The following RCSD1 variants were observed in gnomAD, a reference collection of about 807,000 sequenced individuals.
RCSD1 encodes RCSD domain containing 1, also known as capZ-interacting protein.
RCSD1 carries 26 observed loss-of-function variants against 42.5 expected under a neutral mutation model. That is an observed-to-expected ratio of 0.61 (90% confidence interval 0.45 to 0.85). The LOEUF is 0.85. RCSD1 is among the 40% of genes least tolerant of loss of function. RCSD1 has a pLI of 0.00. For missense variants in RCSD1, 571 were observed against 528.3 expected, an observed-to-expected ratio of 1.08 and a Z score of -0.79; for synonymous variants, 220 against 212.2, an observed-to-expected ratio of 1.04 and a Z score of -0.32.
At chr1:167,637,376 C>A (rs920324612) in intron 1 of RCSD1, among the ~76,000 whole-genome samples, 1 of 152,124 alleles carries the variant, frequency 6.6e-6, no homozygotes, top group Non-Finnish European at 1.5e-5. Context: ...CAAGATATAC[C>A]CAAATGACAT....
In RCSD1 at chr1:167,704,891, T is replaced by G; in HGVS notation, c.*195T>G. 1 of 556,634 alleles carries G rather than the reference T, an allele frequency of 1.8e-6. No individual in the cohort carries two copies. Among genetic ancestry groups the G allele is most frequent in the Non-Finnish European group, 3.3e-6 (1 of 307,006 alleles). 34.5% of individuals were successfully genotyped at this position (556,634 alleles called of 1,614,324 possible). A position where few individuals can be genotyped will look rare whatever the true frequency, so the allele number is the denominator to read the frequency against. On this transcript the variant is annotated 3_prime_UTR_variant, in exon 7 of 7. Transcript: ENST00000367854. The stretch of plus-strand genomic sequence containing the variant: ...CGTTCCCTTGCAGATGGAGACTGAA[T>G]CTGAGGGCAGCAGACTTTTATCAGC...
At chr1:167,682,171 C>A (rs190376493) in intron 1 of RCSD1, among the ~76,000 whole-genome samples, 93 of 146,384 alleles carry the variant, frequency 6.4e-4, no homozygotes, top group African/African-American at 2.4e-3. Context: ...CTAAACGAAG[C>A]CTTTTTTTTT....
At chr1:167,690,991 A>C (rs1251064336) in intron 4 of RCSD1, among the ~76,000 whole-genome samples, 2 of 152,140 alleles carry the variant, frequency 1.3e-5, no homozygotes, top group East Asian at 3.9e-4. Flanking sequence ...TCTTGTGGAG[A>C]CAGAGCTTTC....
chr1:167,656,248 G>C (rs1237074917), intron 1 of RCSD1, among the ~76,000 whole-genome samples: 1 of 152,074 alleles, frequency 6.6e-6, no homozygotes, highest in Non-Finnish European at 1.5e-5. Context: ...AACCTGTCTC[G>C]AGTTCTATGA....
intron 6 of RCSD1, among the ~76,000 whole-genome samples, chr1:167,700,888 C>A (rs781439113): frequency 3.9e-5 from 6 of 152,130 alleles, no homozygotes; most frequent in Non-Finnish European, 8.8e-5. Context: ...GAGACCTCCC[C>A]ATCTCACTGA....
intron 1 of RCSD1, among the ~76,000 whole-genome samples, chr1:167,682,558 C>G (rs988491662): frequency 3.3e-5 from 5 of 152,150 alleles, no homozygotes; most frequent in Admixed American, 6.5e-5. Context: ...CCCTCCCTTG[C>G]TCCAAGGGGA....
At chr1:167,647,896 AT>A (rs1338186523) in intron 1 of RCSD1, among the ~76,000 whole-genome samples, 7 of 152,204 alleles carry the variant, frequency 4.6e-5, no homozygotes, top group Non-Finnish European at 1.0e-4. Context: ...AAGATTTGAA[AT>A]TCATCATCTT....
At position 167,630,408 on chromosome 1, in the gene RCSD1, T is replaced by G. The variant is rs200669865; in HGVS notation, c.-16T>G. The G allele has an allele frequency of 1.2e-3, 1,796 of 1,522,296 alleles. 32 individuals are homozygous for G. The Admixed American group carries it at 0.022, about 18-fold the overall frequency. 94.3% of individuals were successfully genotyped at this position (1,522,296 alleles called of 1,614,324 possible). ...GCGAGCGGGTGCGTCTGCCGCAGAG[T>G]CGGCACCTGAAGGACATGGAGGTAA... On this transcript the variant is annotated 5_prime_UTR_variant, in exon 1 of 7. Coordinates refer to ENST00000367854, the MANE Select transcript of RCSD1 (RefSeq NM_052862.4).
chr1:167,665,970 C>A (rs1329483797), intron 1 of RCSD1, among the ~76,000 whole-genome samples: 1 of 152,152 alleles, frequency 6.6e-6, no homozygotes, highest in African/African-American at 2.4e-5. Flanking sequence ...TGCCACCACA[C>A]CCGGCTAATT....
chr1:167,669,094 G>A (rs1658739044), intron 1 of RCSD1, among the ~76,000 whole-genome samples: 1 of 152,182 alleles, frequency 6.6e-6, no homozygotes, highest in Admixed American at 6.5e-5. Context: ...GTAAGGAAAT[G>A]ATGTGCATGA....
At chr1:167,683,872 T>TAA in intron 1 of RCSD1, 28 bp from the exon 2 acceptor site, 2 of 1,607,160 alleles carry the variant, frequency 1.2e-6, no homozygotes, top group Non-Finnish European at 1.7e-6. Context: ...ATTTGCTGAT[T>TAA]AACTGTTTCT....
intron 6 of RCSD1, among the ~76,000 whole-genome samples, chr1:167,704,137 A>T (rs1299079736): frequency 6.6e-6 from 1 of 152,198 alleles, no homozygotes; most frequent in African/African-American, 2.4e-5. Flanking sequence ...CTGTTGAATA[A>T]ATAGCTACTT....
intron 1 of RCSD1, among the ~76,000 whole-genome samples, chr1:167,635,784 G>A (rs567669971): frequency 6.6e-6 from 1 of 152,260 alleles, no homozygotes; most frequent in Non-Finnish European, 1.5e-5. Context: ...TCTGCCATAT[G>A]GTAAAGGGAT....
intron 1 of RCSD1, among the ~76,000 whole-genome samples, chr1:167,649,325 G>A (rs1418467853): frequency 2.0e-5 from 3 of 152,094 alleles, no homozygotes; most frequent in Non-Finnish European, 2.9e-5. Context: ...GGGAGGTGCC[G>A]GGATTTCTAC....
chr1:167,686,966 G>T (rs1659250061), intron 3 of RCSD1, among the ~76,000 whole-genome samples: 2 of 152,222 alleles, frequency 1.3e-5, no homozygotes, highest in African/African-American at 4.8e-5. Flanking sequence ...AGGGAGGCTG[G>T]CTAGGGAAGT....
chr1:167,633,009 A>G (rs768429843), intron 1 of RCSD1, among the ~76,000 whole-genome samples: 1 of 152,210 alleles, frequency 6.6e-6, no homozygotes, highest in Non-Finnish European at 1.5e-5. Context: ...GGGCTACTGT[A>G]TCTGGAAAGA....
At chr1:167,639,867 C>A (rs756873831) in intron 1 of RCSD1, among the ~76,000 whole-genome samples, 21 of 152,330 alleles carry the variant, frequency 1.4e-4, no homozygotes, top group African/African-American at 1.9e-4. Flanking sequence ...CTAGCTGCAG[C>A]GCCACGCCTT....
intron 1 of RCSD1, among the ~76,000 whole-genome samples, chr1:167,653,765 G>A (rs1386885873): frequency 5.3e-5 from 8 of 152,200 alleles, no homozygotes. Context: ...GTCCATGAAG[G>A]CTTCTTAAAG....
Position 167,683,970 on chromosome 1 carries a change from G to A in RCSD1, c.77G>A (p.Arg26Gln), listed in dbSNP as rs758006138. The change falls in exon 2 of 7, where the codon CGG (arginine) becomes CAG (glutamine). Residue 26 changes from arginine to glutamine, a missense_variant. Coordinates refer to ENST00000367854, the MANE Select transcript of RCSD1 (RefSeq NM_052862.4). ...ASPSVAQLAG[R>Q]FREQAAAAKE... The stretch of plus-strand genomic sequence containing the variant: ...CCCTCGGTGGCCCAGCTGGCCGGGC[G>A]GTTTAGGGAGCAGGCGGCTGCAGCC... The A allele has an allele frequency of 1.4e-5, 22 of 1,614,054 alleles. No homozygotes were observed. The highest frequency in any genetic ancestry group is 8.9e-5 in the East Asian group (4 of 44,872).
Sources: allele counts gnomAD v4.1 joint callset (sites outside exome capture counted in the v4.1 genomes callset), GRCh38; gene constraint gnomAD v4.1.1; transcripts MANE v1.5; gene names NCBI Gene and HGNC (gene_info 2026-07-23, HGNC 2026-07-21).